The following SERPINA5 variants were observed in gnomAD, a reference collection of about 807,000 sequenced individuals.
The protein encoded by SERPINA5 is serpin family A member 5, also known as plasma serine protease inhibitor.
A neutral mutation model predicts 25.3 loss-of-function variants in SERPINA5; 25 were observed. That is an observed-to-expected ratio of 0.99 (90% CI 0.72 to 1.38). The LOEUF (loss-of-function observed/expected upper bound fraction) is 1.38, where lower values mean the gene tolerates loss of function less well. Among genes scored for constraint, SERPINA5 ranks in the 40% most tolerant of loss-of-function variants. The pLI, the probability that SERPINA5 is intolerant of heterozygous loss-of-function variation, is 0.00. For missense variants in SERPINA5, 599 were observed against 509.5 expected (o/e 1.18, Z -1.69); for synonymous variants, 234 against 206.2 (o/e 1.14, Z -1.16).
chr14:94,590,174 C>T lies in SERPINA5; in HGVS notation c.753C>T (p.Ser251=), dbSNP rs1410463917. 10 of 1,614,184 alleles carry T rather than the reference C, an allele frequency of 6.2e-6. No individual in the cohort carries two copies. Among genetic ancestry groups the T allele is most frequent in the South Asian group, 1.1e-5 (1 of 91,084 alleles). ...QYHYLLDRNL[S]CRVVGVPYQG... ...ACTACCTCCTGGACCGGAACCTCTC[C>T]TGCAGGGTGGTGGGGGTCCCCTACC... The change falls in exon 4 of 6, where the codon TCC becomes TCT. Residue 251 remains serine, a synonymous_variant. Transcript: ENST00000329597.
Position 94,587,852 on chromosome 14 carries a change from G to C in SERPINA5, c.490G>C (p.Asp164His). The C allele has an allele frequency of 6.2e-7, 1 of 1,613,966 alleles. No individual in the cohort carries two copies. Among genetic ancestry groups the C allele is most frequent in the Non-Finnish European group, 8.5e-7 (1 of 1,179,838 alleles). Residue 164 changes from aspartate to histidine, a missense_variant, in exon 3 of 6, where the codon GAC becomes CAC. Asp to His is a moderately conservative substitution (Grantham distance 81). Transcript: ENST00000329597. ...AGACACTTTCCCTACCAACTTTAGGGACTCTGCAGGGGCCATGAAGCAGAT... is the reference window on the plus strand; with the variant it reads ...AGACACTTTCCCTACCAACTTTAGGCACTCTGCAGGGGCCATGAAGCAGAT... Reference protein sequence around the residue: ...LADTFPTNFRDSAGAMKQIND... With the variant: ...LADTFPTNFRHSAGAMKQIND...
intron 4 of SERPINA5, 161 bp from the exon 5 acceptor site, chr14:94,590,588 A>G (rs1453325907): frequency 1.1e-6 from 1 of 900,240 alleles, no homozygotes; most frequent in Non-Finnish European, 1.6e-6. Flanking sequence ...TCATCCTAGA[A>G]AAGAGGCCAG....
intron 5 of SERPINA5, among the ~76,000 whole-genome samples, 195 bp from the exon 6 acceptor site, chr14:94,591,862 A>G (rs1033502745): frequency 4.6e-5 from 7 of 152,238 alleles, no homozygotes; most frequent in Non-Finnish European, 8.8e-5. Flanking sequence ...ATTCAATGAC[A>G]GACACATGCG....
At position 94,590,956 on chromosome 14, in the gene SERPINA5, A is replaced by C. The variant is rs552189239; in HGVS notation, c.1038+60A>C. On this transcript the variant is annotated intron_variant, in intron 5 of 5. Transcript: ENST00000329597. ...AGGTCTATTCTGTTCTATTCTTTCT[A>C]TTCTACTCTACCCCATTTCATTCCA... 6 of 1,509,824 alleles carry C rather than the reference A, an allele frequency of 4.0e-6. No individual in the cohort carries two copies. In the East Asian group the frequency reaches 1.2e-4, roughly 29 times the overall value. The allele number at this position is 1,509,824 out of a possible 1,614,324, so 93.5% of individuals were successfully genotyped here.
At chr14:94,582,034 G>T (rs1884935820) in intron 2 of SERPINA5, 1 of 152,214 alleles carries the variant, frequency 6.6e-6, no homozygotes, top group South Asian at 2.1e-4. Context: ...TGTGCCTGGA[G>T]TCTTGGGCCT....
intron 5 of SERPINA5, among the ~76,000 whole-genome samples, chr14:94,591,392 C>CTCTAT (rs1385936932): frequency 6.6e-6 from 1 of 151,474 alleles, no homozygotes. Flanking sequence ...CTCCACTCCA[C>CTCTAT]TCTATTCTAT....
Position 94,587,595 on chromosome 14 carries a change from T to C in SERPINA5, c.233T>C (p.Met78Thr). The C allele has an allele frequency of 6.2e-7, 1 of 1,614,068 alleles. No homozygotes were observed. The highest frequency in any genetic ancestry group is 8.5e-7 in the Non-Finnish European group (1 of 1,179,966). Residue 78 changes from methionine to threonine, a missense_variant, in exon 3 of 6, where the codon ATG becomes ACG. Coordinates refer to ENST00000329597, the MANE Select transcript of SERPINA5 (RefSeq NM_000624.6). ...SPVSISMSLAMLSLGAGSSTK... is the reference protein window; with the variant it reads ...SPVSISMSLATLSLGAGSSTK... The stretch of plus-strand genomic sequence containing the variant: ...GTGAGCATCTCCATGAGCCTGGCCA[T>C]GCTCTCCCTGGGGGCTGGGTCCAGC...
chr14:94,587,030 C>T, intron 2 of SERPINA5: 1 of 270,912 alleles, frequency 3.7e-6, no homozygotes, highest in Non-Finnish European at 6.9e-6. Flanking sequence ...AGGGAACCCT[C>T]TCCCTCCATA....
At chr14:94,588,127 C>A (rs1885159355) in intron 3 of SERPINA5, 146 bp downstream of exon 3, 2 of 1,038,648 alleles carry the variant, frequency 1.9e-6, no homozygotes, top group Non-Finnish European at 2.8e-6. Flanking sequence ...AGTAAACAAG[C>A]AGCCAGAGAA....
At chr14:94,589,638 C>G (rs981768065) in intron 3 of SERPINA5, among the ~76,000 whole-genome samples, 1 of 152,158 alleles carries the variant, frequency 6.6e-6, no homozygotes, top group South Asian at 2.1e-4. Context: ...AAATTTAAAT[C>G]AAAATATTGG....
intron 2 of SERPINA5, among the ~76,000 whole-genome samples, chr14:94,584,128 C>G (rs569268528): frequency 9.2e-5 from 14 of 152,130 alleles, no homozygotes; most frequent in Admixed American, 8.5e-4. Context: ...CGAGGAGGAA[C>G]GAGGTATCAC....
In SERPINA5 at chr14:94,590,107, C is replaced by T. The variant is rs370246072; in HGVS notation, c.686C>T (p.Thr229Ile). 1.2e-6 allele frequency: 2 copies of T among 1,613,836 alleles called. No homozygotes were observed. ...CAAGACTTCTACGTGACCTCGGAGA[C>T]TGTGGTGCGGGTACCCATGATGAGC... ...QEQDFYVTSE[T>I]VVRVPMMSRE... The change falls in exon 4 of 6, where the codon ACT becomes ATT. Residue 229 changes from threonine to isoleucine, a missense_variant. By Grantham distance (89) the Thr-to-Ile change is moderately conservative. Coordinates refer to ENST00000329597, the MANE Select transcript of SERPINA5 (RefSeq NM_000624.6).
Position 94,590,288 on chromosome 14 carries a change from G to T in SERPINA5, c.867G>T (p.Lys289Asn). The part of the protein sequence containing the change: ...ENGLSEKTLR[K>N]WLKMFKKRQL... ...GACTGAGTGAGAAAACGCTGAGGAAGTGGCTTAAGATGTTCAAAAAGAGGT... is the reference window on the plus strand; with the variant it reads ...GACTGAGTGAGAAAACGCTGAGGAATTGGCTTAAGATGTTCAAAAAGAGGT... Residue 289 changes from lysine (K) to asparagine (N), a missense_variant, in exon 4 of 6, where the codon AAG (lysine) becomes AAT (asparagine). By Grantham distance (94) the Lys-to-Asn change is moderately conservative. Transcript: ENST00000329597. The T allele has an allele frequency of 6.2e-7, 1 of 1,608,690 alleles. No individual in the cohort carries two copies. Among genetic ancestry groups the T allele is most frequent in the Non-Finnish European group, 8.5e-7 (1 of 1,176,138 alleles).
intron 3 of SERPINA5, among the ~76,000 whole-genome samples, chr14:94,589,380 G>C (rs1297574345): frequency 1.3e-5 from 2 of 151,952 alleles, no homozygotes; most frequent in Non-Finnish European, 2.9e-5. Context: ...CCTGGGAGGT[G>C]GGGGCTGTAG....
chr14:94,587,970 T>G lies in SERPINA5; in HGVS notation c.608T>G (p.Ile203Ser), dbSNP rs202233497. 1 of 1,613,764 alleles carries G rather than the reference T, an allele frequency of 6.2e-7. No homozygotes were observed. The highest frequency in any genetic ancestry group is 1.3e-5 in the African/African-American group (1 of 75,046). ...SNAVVIMVNY[I>S]FFKAKWETSF... ...GCGGTCGTGATCATGGTGAATTACA[T>G]CTTCTTTAAAGGTAAGGCCCTTGGG... Residue 203 changes from isoleucine to serine, a missense_variant, in exon 3 of 6, where the codon ATC becomes AGC. Coordinates refer to ENST00000329597, the MANE Select transcript of SERPINA5 (RefSeq NM_000624.6).
In SERPINA5 at chr14:94,587,454, T is replaced by C. The variant is rs1885128306; in HGVS notation, c.92T>C (p.Val31Ala). 3.1e-6 allele frequency: 5 copies of C among 1,613,658 alleles called. No homozygotes were observed. In the East Asian group the frequency reaches 8.9e-5, roughly 29 times the overall value. The change falls in exon 3 of 6, where the codon GTC (valine) becomes GCC (alanine). Residue 31 changes from valine (V) to alanine (A), a missense_variant. By Grantham distance (64) the Val-to-Ala change is moderately conservative (BLOSUM62 0). Transcript: ENST00000329597. ...CACCCCCGGGAGATGAAGAAGAGAG[T>C]CGAGGACCTCCATGTAGGTGCCACG... Reference protein sequence around the residue: ...RHHPREMKKRVEDLHVGATVA... With the variant: ...RHHPREMKKRAEDLHVGATVA...
chr14:94,585,324 A>G (rs12887091), intron 2 of SERPINA5, among the ~76,000 whole-genome samples: 44,755 of 151,940 alleles, frequency 0.29, 6,870 homozygotes, highest in South Asian at 0.34. Context: ...GTTTGGTGCC[A>G]GGTTCGATTC....
chr14:94,591,292 CTCCACTCCACTCA>C (rs1269743783), intron 5 of SERPINA5, among the ~76,000 whole-genome samples: 1 of 144,120 alleles, frequency 6.9e-6, no homozygotes, highest in East Asian at 2.1e-4. Flanking sequence ...CACTCCTCCA[CTCCACTCCACTCA>C]TCCACTCCAC....
At chr14:94,591,042 CTCCA>C (rs1885263125) in intron 5 of SERPINA5, 146 bp downstream of exon 5, 2 of 376,824 alleles carry the variant, frequency 5.3e-6, no homozygotes, top group Non-Finnish European at 9.5e-6. Flanking sequence ...TTCAATTCCA[CTCCA>C]CTCCACTCCA....
Sources: allele counts gnomAD v4.1 joint callset (sites outside exome capture counted in the v4.1 genomes callset), GRCh38; gene constraint gnomAD v4.1.1; transcripts MANE v1.5; gene names NCBI Gene and HGNC (gene_info 2026-07-23, HGNC 2026-07-21).